ABCB1: variants seen among roughly 807,000 people sequenced by gnomAD.
ABCB1 encodes the protein ATP-dependent translocase ABCB1.
ABCB1 carries 69 observed loss-of-function variants against 142.0 expected under a neutral mutation model. The observed-to-expected ratio is 0.49, with a 90% CI of 0.40 to 0.59. The LOEUF (loss-of-function observed/expected upper bound fraction) is 0.59. ABCB1 is among the 20% of genes least tolerant of loss of function. The probability of loss-of-function intolerance (pLI) is 0.00; values close to 1 mark genes in which losing one functional copy is unlikely to be tolerated. For synonymous variants in ABCB1, 532 were observed against 539.2 expected (o/e 0.99, Z 0.18); for missense variants, 1,326 against 1,554.7 (o/e 0.85, Z 2.47).
intron 1 of ABCB1, among the ~76,000 whole-genome samples, chr7:87,656,578 G>A (rs866898608): frequency 6.6e-6 from 1 of 152,042 alleles, no homozygotes. Flanking sequence ...GGAAGATAAA[G>A]GGGGAGGAGG....
intron 14 of ABCB1, among the ~76,000 whole-genome samples, chr7:87,547,198 T>C (rs980090922): frequency 6.6e-6 from 1 of 151,888 alleles, no homozygotes; most frequent in African/African-American, 2.4e-5. Context: ...TCAGGATCCA[T>C]AGGATAAGTA....
intron 1 of ABCB1, among the ~76,000 whole-genome samples, chr7:87,670,091 C>T (rs1825678279): frequency 1.3e-5 from 2 of 152,152 alleles, no homozygotes; most frequent in Admixed American, 1.3e-4. Context: ...TCTCCCCCTC[C>T]CTTTCAGGAA....
chr7:87,586,192 G>GA (rs1168578085), intron 3 of ABCB1, among the ~76,000 whole-genome samples: 1 of 152,132 alleles, frequency 6.6e-6, no homozygotes, highest in Non-Finnish European at 1.5e-5. Flanking sequence ...AGAATGAGCA[G>GA]AAAAAAGAAA....
At chr7:87,641,355 C>T (rs1584975908) in intron 1 of ABCB1, among the ~76,000 whole-genome samples, 2 of 152,156 alleles carry the variant, frequency 1.3e-5, no homozygotes, top group Non-Finnish European at 2.9e-5. Context: ...TCATCTTCCT[C>T]CATAAGATTG....
chr7:87,674,035 C>T (rs1051927635), intron 1 of ABCB1, among the ~76,000 whole-genome samples: 3 of 152,152 alleles, frequency 2.0e-5, no homozygotes, highest in Admixed American at 6.5e-5. Context: ...TGGTACCTGG[C>T]CCCTGGCTTT....
In ABCB1 at chr7:87,526,529, TA is replaced by T. The variant is rs972236683; in HGVS notation, c.2685+4764del. ...GACCTCATGTCTACAAAAAATTTAT[TA>T]AAAAAAAAAAGATTCTTATAACCCC... On this transcript the variant is annotated intron_variant, in intron 21 of 27. Transcript: ENST00000622132. 7.2e-3 allele frequency among the ~76,000 whole-genome samples: 1,048 copies of T among 144,632 alleles called. 8 individuals carry two copies. Among genetic ancestry groups the T allele is most frequent in the African/African-American group, 0.023 (898 of 39,598 alleles). 94.9% of individuals were successfully genotyped at this position (144,632 alleles called of 152,430 possible).
At chr7:87,643,607 G>A (rs1386623440) in intron 1 of ABCB1, among the ~76,000 whole-genome samples, 2 of 151,826 alleles carry the variant, frequency 1.3e-5, no homozygotes, top group Admixed American at 1.3e-4. Flanking sequence ...TGCAACTTCT[G>A]CCTCCCAGGT....
chr7:87,628,640 A>C, intron 1 of ABCB1: 2 of 348,452 alleles, frequency 5.7e-6, no homozygotes, highest in Non-Finnish European at 5.0e-6. Context: ...TCGGGTGCCA[A>C]GGGCGAGCCG....
intron 1 of ABCB1, among the ~76,000 whole-genome samples, chr7:87,649,602 A>G (rs1823367631): frequency 6.6e-6 from 1 of 152,218 alleles, no homozygotes; most frequent in African/African-American, 2.4e-5. Flanking sequence ...TCAAAAATAG[A>G]GACAAAGGAC....
chr7:87,508,395 A>G (rs1814844951), intron 26 of ABCB1, among the ~76,000 whole-genome samples: 1 of 152,230 alleles, frequency 6.6e-6, no homozygotes, highest in South Asian at 2.1e-4. Context: ...TAAGTGAATT[A>G]TGTATATGCA....
At chr7:87,537,607 C>G (rs1417545332) in intron 19 of ABCB1, among the ~76,000 whole-genome samples, 2 of 151,908 alleles carry the variant, frequency 1.3e-5, no homozygotes, top group Non-Finnish European at 2.9e-5. Flanking sequence ...GTCAAAAGCT[C>G]CATTTTGGAA....
intron 7 of ABCB1, chr7:87,564,270 G>T: frequency 3.0e-6 from 1 of 338,914 alleles, no homozygotes. Context: ...GTGAGCTGTG[G>T]TTCCAGGAGC....
At chr7:87,542,261 C>G (rs1816572633) in intron 17 of ABCB1, among the ~76,000 whole-genome samples, 1 of 152,164 alleles carries the variant, frequency 6.6e-6, no homozygotes, top group Admixed American at 6.5e-5. Context: ...CAACAAAAAT[C>G]ATAACAATTA....
chr7:87,689,280 A>G (rs375015495), intron 1 of ABCB1, among the ~76,000 whole-genome samples: 1 of 152,056 alleles, frequency 6.6e-6, no homozygotes, highest in Non-Finnish European at 1.5e-5. Context: ...TCTGATGGTA[A>G]TTCATGTTTA....
intron 1 of ABCB1, among the ~76,000 whole-genome samples, chr7:87,658,610 CAAAG>C (rs1210214186): frequency 6.6e-6 from 1 of 151,948 alleles, no homozygotes; most frequent in Non-Finnish European, 1.5e-5. Flanking sequence ...TAAATAAAGA[CAAAG>C]AAAAAATGTT....
chr7:87,570,076 T>C (rs1198353891), intron 5 of ABCB1, 96 bp downstream of exon 5: 9 of 1,130,730 alleles, frequency 8.0e-6, no homozygotes, highest in Non-Finnish European at 1.2e-5. Context: ...ATTGTTCTCC[T>C]TAAAATTTCT....
intron 17 of ABCB1, among the ~76,000 whole-genome samples, chr7:87,542,228 TA>T (rs1816571596): frequency 2.0e-5 from 3 of 152,206 alleles, no homozygotes; most frequent in African/African-American, 4.8e-5. Flanking sequence ...AGAGATTAAA[TA>T]ATTTTTTTTG....
At chr7:87,698,904 C>G (rs189118585) in intron 1 of ABCB1, among the ~76,000 whole-genome samples, 1 of 152,214 alleles carries the variant, frequency 6.6e-6, no homozygotes, top group African/African-American at 2.4e-5. Flanking sequence ...TAGAAGTTAC[C>G]TATCATGACT....
chr7:87,534,113 A>G (rs1816177993), intron 20 of ABCB1, among the ~76,000 whole-genome samples: 1 of 152,194 alleles, frequency 6.6e-6, no homozygotes, highest in Admixed American at 6.5e-5. Context: ...ACTGTGGCCT[A>G]AGGCAGGTCA....
Sources: gnomAD v4.1 joint callset for allele counts (sites outside exome capture counted in the v4.1 genomes callset) on GRCh38, gnomAD v4.1.1 for gene constraint, MANE v1.5 for transcripts, NCBI Gene and HGNC (gene_info 2026-07-23, HGNC 2026-07-21) for gene names.